The following FHL5 variants were observed in gnomAD, a reference collection of about 807,000 sequenced individuals.
FHL5 encodes the protein four and a half LIM domains protein 5.
Under a neutral mutation model 32.0 loss-of-function variants are expected in FHL5, and 33 were observed. That is an observed-to-expected ratio of 1.03 (90% confidence interval 0.78 to 1.38). The LOEUF is 1.38. Ranked by LOEUF, FHL5 falls within the 40% of genes most tolerant of loss-of-function variation. FHL5 has a pLI of 0.00. For synonymous variants in FHL5, 114 were observed against 113.6 expected, an observed-to-expected ratio of 1.00 and a Z score of -0.02; for missense variants, 336 against 343.9, an observed-to-expected ratio of 0.98 and a Z score of 0.18.
rs1770284357 is a variant in FHL5 at position 96,563,233 on chromosome 6, A to T, written c.-135A>T. On this transcript the variant is annotated 5_prime_UTR_variant, in exon 1 of 6. The change abolishes an upstream ATG in the 5' untranslated region. Coordinates refer to ENST00000450218, the MANE Select transcript of FHL5 (RefSeq NM_001322466.2). ...GCATGCAGTTGGAAGGGATCTTCAGATGGTGCTGGTGACTTTCTGTTCCTT... is the reference window on the plus strand; with the variant it reads ...GCATGCAGTTGGAAGGGATCTTCAGTTGGTGCTGGTGACTTTCTGTTCCTT... 1 of 152,262 alleles carries T rather than the reference A, an allele frequency of 6.6e-6. No homozygotes were observed. Among genetic ancestry groups the T allele is most frequent in the Non-Finnish European group, 1.5e-5 (1 of 68,100 alleles). 9.4% of individuals were successfully genotyped at this position (152,262 alleles called of 1,614,324 possible).
At chr6:96,599,342 T>C (rs113524891) in intron 1 of FHL5, among the ~76,000 whole-genome samples, 5,854 of 151,918 alleles carry the variant, frequency 0.039, 143 homozygotes, top group African/African-American at 0.053. Flanking sequence ...ATTACAGGCA[T>C]GCACCACCAC....
intron 1 of FHL5, among the ~76,000 whole-genome samples, chr6:96,580,281 T>C (rs970276113): frequency 9.2e-5 from 14 of 152,156 alleles, no homozygotes; most frequent in African/African-American, 3.4e-4. Context: ...CAAGACCTTT[T>C]TAGAGATCAC....
chr6:96,584,416 G>A (rs745350822), intron 1 of FHL5, among the ~76,000 whole-genome samples: 19 of 150,420 alleles, frequency 1.3e-4, no homozygotes, highest in Non-Finnish European at 2.4e-4. Flanking sequence ...ACTGGAAGTG[G>A]CTGAAGCACA....
Position 96,606,033 on chromosome 6 carries a change from G to C in FHL5, c.466G>C (p.Glu156Gln), listed in dbSNP as rs201553779. Residue 156 changes from glutamate (E) to glutamine (Q), a missense_variant, in exon 4 of 6, where the codon GAG becomes CAG. By Grantham distance (29) the Glu-to-Gln change is conservative (BLOSUM62 2). Transcript: ENST00000450218. ...ESGNYCVPCF[E>Q]KEFAHYCNFC... ...TGGCAATTATTGTGTGCCATGTTTTGAGAAGGAGTTTGCTCACTACTGCAA... is the reference window on the plus strand; with the variant it reads ...TGGCAATTATTGTGTGCCATGTTTTCAGAAGGAGTTTGCTCACTACTGCAA... 4.1e-5 allele frequency: 66 copies of C among 1,613,946 alleles called. No individual in the cohort carries two copies. The highest frequency in any genetic ancestry group is 5.6e-5 in the Non-Finnish European group (66 of 1,179,968).
At chr6:96,590,232 G>A (rs1303666601) in intron 1 of FHL5, among the ~76,000 whole-genome samples, 1 of 151,898 alleles carries the variant, frequency 6.6e-6, no homozygotes, top group Admixed American at 6.6e-5. Context: ...CAAATGAAGG[G>A]GAAATAATAC....
intron 1 of FHL5, among the ~76,000 whole-genome samples, chr6:96,597,678 A>G (rs985772578): frequency 6.6e-6 from 1 of 152,194 alleles, no homozygotes; most frequent in African/African-American, 2.4e-5. Context: ...TCTGCAAGCC[A>G]TTTAGAATAC....
chr6:96,587,792 A>C (rs574689436), intron 1 of FHL5, among the ~76,000 whole-genome samples: 36 of 152,346 alleles, frequency 2.4e-4, no homozygotes, highest in African/African-American at 8.4e-4. Context: ...CTAATAATAA[A>C]CTTTGGCTGT....
intron 4 of FHL5, among the ~76,000 whole-genome samples, chr6:96,609,351 AACAC>A (rs2127974619): frequency 6.6e-6 from 1 of 152,278 alleles, no homozygotes; most frequent in Admixed American, 6.5e-5. Context: ...CACTTACAAA[AACAC>A]ATTCCAGTAT....
chr6:96,571,887 G>A (rs1367163336), intron 1 of FHL5, among the ~76,000 whole-genome samples: 3 of 152,080 alleles, frequency 2.0e-5, no homozygotes, highest in Non-Finnish European at 4.4e-5. Flanking sequence ...AGAATGTGTG[G>A]GGCCAAGTGT....
intron 1 of FHL5, among the ~76,000 whole-genome samples, chr6:96,599,471 G>A (rs1239415150): frequency 3.3e-5 from 5 of 152,082 alleles, no homozygotes; most frequent in Non-Finnish European, 7.4e-5. Context: ...CTGGGATTAC[G>A]GGCGTGAGCC....
At chr6:96,605,286 A>G (rs1219355460) in intron 3 of FHL5, among the ~76,000 whole-genome samples, 1 of 152,208 alleles carries the variant, frequency 6.6e-6, no homozygotes, top group African/African-American at 2.4e-5. Flanking sequence ...ATTGGGGCCA[A>G]CTGCCATTTT....
rs1041354826 is a variant in FHL5, at chr6:96,618,470, C to T, written c.*2698C>T. On this transcript the variant is annotated 3_prime_UTR_variant, in exon 6 of 6. Coordinates refer to ENST00000450218, the MANE Select transcript of FHL5 (RefSeq NM_001322466.2). Reference sequence around the variant, plus strand: ...GACATAACCGGCCATAGAAAGTTACCAACTGTTCATAAGTAAAGGAAGAAA... The same window carrying T: ...GACATAACCGGCCATAGAAAGTTACTAACTGTTCATAAGTAAAGGAAGAAA... Among the ~76,000 whole-genome samples, 1 of 152,160 alleles carries T rather than the reference C, an allele frequency of 6.6e-6. No individual in the cohort carries two copies. The highest frequency in any genetic ancestry group is 2.1e-4 in the South Asian group (1 of 4,834).
chr6:96,596,021 T>A (rs1015666318), intron 1 of FHL5, among the ~76,000 whole-genome samples: 2 of 151,100 alleles, frequency 1.3e-5, no homozygotes, highest in Non-Finnish European at 3.0e-5. Flanking sequence ...TATGTATGAT[T>A]TTTTTTAGGC....
chr6:96,603,076 A>C (rs1023267396), intron 1 of FHL5, among the ~76,000 whole-genome samples: 1 of 152,236 alleles, frequency 6.6e-6, no homozygotes, highest in Non-Finnish European at 1.5e-5. Flanking sequence ...AAATGTGCAG[A>C]GCCCTTATTA....
At chr6:96,566,369 A>G (rs952911610) in intron 1 of FHL5, among the ~76,000 whole-genome samples, 2 of 152,024 alleles carry the variant, frequency 1.3e-5, no homozygotes, top group African/African-American at 2.4e-5. Flanking sequence ...TCATTGGGAT[A>G]TATAGCACTT....
In FHL5 at chr6:96,591,864, C is replaced by T. The variant is rs141003730; in HGVS notation, c.-12-11738C>T. Among the ~76,000 whole-genome samples the T allele has an allele frequency of 1.2e-3, 190 of 152,102 alleles. 2 individuals carry two copies. In the East Asian group the frequency reaches 0.029, roughly 23 times the overall value. On this transcript the variant is annotated intron_variant, in intron 1 of 5. Transcript: ENST00000450218. ...GGCATCTGGGGGACACATCACATGT[C>T]GATAGGTTCCGTGATGTCCCCTGAG... is the stretch of plus-strand genomic sequence containing the variant.
At position 96,618,298 on chromosome 6, in the gene FHL5, G is replaced by A. The variant is rs994578788; in HGVS notation, c.*2526G>A. Among the ~76,000 whole-genome samples, 3 of 152,176 alleles carry A rather than the reference G, an allele frequency of 2.0e-5. No individual in the cohort carries two copies. Among genetic ancestry groups the A allele is most frequent in the African/African-American group, 7.2e-5 (3 of 41,454 alleles). ...TTCAAAGGTGACATCTGCATGGGCA[G>A]GAAAGAAGTTAAAAGCAAATCCCAT... On this transcript the variant is annotated 3_prime_UTR_variant, in exon 6 of 6. Coordinates refer to ENST00000450218, the MANE Select transcript of FHL5 (RefSeq NM_001322466.2).
intron 4 of FHL5, among the ~76,000 whole-genome samples, chr6:96,610,282 G>GA (rs1271725050): frequency 6.6e-6 from 1 of 152,088 alleles, no homozygotes; most frequent in East Asian, 1.9e-4. Flanking sequence ...CATTGTAGGA[G>GA]AAAAATATAC....
At chr6:96,611,295 C>A (rs1481372547) in intron 5 of FHL5, among the ~76,000 whole-genome samples, 1 of 152,046 alleles carries the variant, frequency 6.6e-6, no homozygotes, top group Non-Finnish European at 1.5e-5. Context: ...GTATTACTCT[C>A]TTTTCTCTAT....
Sources: allele counts gnomAD v4.1 joint callset (sites outside exome capture counted in the v4.1 genomes callset), GRCh38; gene constraint gnomAD v4.1.1; transcripts MANE v1.5; gene names NCBI Gene and HGNC (gene_info 2026-07-23, HGNC 2026-07-21).